TTC27: variants seen among roughly 807,000 people sequenced by gnomAD.
TTC27 encodes the protein tetratricopeptide repeat protein 27.
A neutral mutation model predicts 115.9 loss-of-function variants in TTC27; 79 were observed. That is an observed-to-expected ratio of 0.68 (90% CI 0.57 to 0.82). TTC27 has a LOEUF of 0.82. Ranked by LOEUF, TTC27 falls within the 40% of genes least tolerant of loss-of-function variation. The probability of loss-of-function intolerance (pLI) is 0.00; values close to 1 mark genes in which losing one functional copy is unlikely to be tolerated. For synonymous variants in TTC27, 401 were observed against 356.0 expected (o/e 1.13, Z -1.42); for missense variants, 1,054 against 993.1 (o/e 1.06, Z -0.82).
intron 10 of TTC27, among the ~76,000 whole-genome samples, chr2:32,706,077 CTTTT>C (rs148953090): frequency 1.3e-4 from 7 of 53,234 alleles, no homozygotes; most frequent in East Asian, 9.3e-4. Context: ...TTACCTTACT[CTTTT>C]TTTTTTTTTT....
intron 12 of TTC27, among the ~76,000 whole-genome samples, chr2:32,754,817 G>T (rs1017443602): frequency 1.4e-5 from 1 of 74,004 alleles, no homozygotes; most frequent in African/African-American, 3.8e-5. Flanking sequence ...CTGGCTGGGC[G>T]GGGGGGCTGA....
chr2:32,704,745 A>G, intron 10 of TTC27: 1 of 408,116 alleles, frequency 2.5e-6, no homozygotes, highest in South Asian at 1.9e-5. Flanking sequence ...TGGGCTAGTT[A>G]TTTTGGAGAC....
chr2:32,804,764 T>C (rs576342947), intron 16 of TTC27, among the ~76,000 whole-genome samples: 2 of 152,054 alleles, frequency 1.3e-5, no homozygotes, highest in Admixed American at 1.3e-4. Context: ...TATAGTATTA[T>C]AATATAAAAC....
chr2:32,720,019 A>G (rs929911538), intron 10 of TTC27, among the ~76,000 whole-genome samples: 21 of 152,216 alleles, frequency 1.4e-4, no homozygotes, highest in African/African-American at 4.6e-4. Context: ...ATAGTAACAT[A>G]ATACGTGAAT....
chr2:32,738,159 T>G (rs1323499073), intron 12 of TTC27, among the ~76,000 whole-genome samples: 1 of 152,204 alleles, frequency 6.6e-6, no homozygotes, highest in Non-Finnish European at 1.5e-5. Context: ...ACTCTTTACT[T>G]GCGAGGTAGT....
At chr2:32,678,375 C>T (rs1666294191) in intron 8 of TTC27, among the ~76,000 whole-genome samples, 1 of 151,660 alleles carries the variant, frequency 6.6e-6, no homozygotes, top group Non-Finnish European at 1.5e-5. Flanking sequence ...ACAAACTCTA[C>T]ATTTGTATAT....
In TTC27 at chr2:32,817,538, G is replaced by T. The variant is rs764343684; in HGVS notation, c.2390G>T (p.Gly797Val). The T allele has an allele frequency of 5.0e-6, 8 of 1,613,928 alleles. No individual in the cohort carries two copies. The highest frequency in any genetic ancestry group is 1.7e-5 in the Admixed American group (1 of 60,028). Residue 797 changes from glycine (G) to valine (V), a missense_variant, in exon 19 of 20, where the codon GGC becomes GTC. By Grantham distance (109) the Gly-to-Val change is moderately radical. Coordinates refer to ENST00000317907, the MANE Select transcript of TTC27 (RefSeq NM_017735.5). ...TCTTCTGTTCGACTCAATTTACGGG[G>T]CTTGTTATCTAAAGCAAAGGTGAGA... ...MLSSVRLNLR[G>V]LLSKAKQLFT...
chr2:32,711,092 G>C (rs1370679254), intron 10 of TTC27, among the ~76,000 whole-genome samples: 1 of 142,394 alleles, frequency 7.0e-6, no homozygotes, highest in Non-Finnish European at 1.5e-5. Context: ...ACTCCAGCCT[G>C]GGTGACAGAC....
chr2:32,676,466 T>C (rs564078959), intron 8 of TTC27, among the ~76,000 whole-genome samples: 5 of 151,078 alleles, frequency 3.3e-5, no homozygotes, highest in African/African-American at 1.2e-4. Context: ...TGTTATATTT[T>C]ATAAGACAGT....
At chr2:32,724,317 G>A (rs1668038523) in intron 10 of TTC27, among the ~76,000 whole-genome samples, 1 of 152,184 alleles carries the variant, frequency 6.6e-6, no homozygotes, top group South Asian at 2.1e-4. Flanking sequence ...CATAATAAGG[G>A]CAGTGAGATA....
intron 18 of TTC27, among the ~76,000 whole-genome samples, chr2:32,814,752 G>T (rs939154000): frequency 6.6e-6 from 1 of 152,160 alleles, no homozygotes; most frequent in African/African-American, 2.4e-5. Flanking sequence ...GCTGTACAGG[G>T]TTGTAGCCTA....
At position 32,659,216 on chromosome 2, in the gene TTC27, T is replaced by A. The variant is rs191042648; in HGVS notation, c.641-5087T>A. ...CCTGGCTTCAAGCAATCTTTCCACCTAGGTCTTCCTAAGCACTTGGATTAT... is the reference window on the plus strand; with the variant it reads ...CCTGGCTTCAAGCAATCTTTCCACCAAGGTCTTCCTAAGCACTTGGATTAT... On this transcript the variant is annotated intron_variant, in intron 5 of 19. Coordinates refer to ENST00000317907, the MANE Select transcript of TTC27 (RefSeq NM_017735.5). Among the ~76,000 whole-genome samples the A allele has an allele frequency of 6.6e-5, 10 of 152,302 alleles. No homozygotes were observed. In the East Asian group the frequency reaches 1.7e-3, roughly 26 times the overall value.
intron 17 of TTC27, among the ~76,000 whole-genome samples, chr2:32,811,958 A>T (rs927344293): frequency 6.6e-6 from 1 of 152,142 alleles, no homozygotes; most frequent in African/African-American, 2.4e-5. Flanking sequence ...TGGCCTTGTC[A>T]GCCCAGAGAA....
At chr2:32,746,641 G>C (rs896129851) in intron 12 of TTC27, among the ~76,000 whole-genome samples, 2 of 147,680 alleles carry the variant, frequency 1.4e-5, no homozygotes, top group African/African-American at 5.0e-5. Context: ...AAATTCTAAA[G>C]CTTTTGCATT....
At chr2:32,677,612 G>A (rs1666261554) in intron 8 of TTC27, among the ~76,000 whole-genome samples, 1 of 152,026 alleles carries the variant, frequency 6.6e-6, no homozygotes, top group Admixed American at 6.6e-5. Context: ...ACCACCCCCA[G>A]TTAATTTTTT....
chr2:32,701,364 T>C (rs1437605437), intron 9 of TTC27, among the ~76,000 whole-genome samples: 2 of 152,268 alleles, frequency 1.3e-5, no homozygotes, highest in East Asian at 3.8e-4. Context: ...GAAGTAGTCA[T>C]ATCTTAATTT....
At chr2:32,695,710 C>G in intron 9 of TTC27, among the ~76,000 whole-genome samples, 1 of 99,812 alleles carries the variant, frequency 1.0e-5, no homozygotes, top group African/African-American at 3.9e-5. Context: ...CAGAGCAAGG[C>G]TCTATCTCAA....
At position 32,798,704 on chromosome 2, in the gene TTC27, C is replaced by CAA. The variant is rs1168987401; in HGVS notation, c.1998+11565_1998+11566dup. Among the ~76,000 whole-genome samples the CAA allele has an allele frequency of 1.8e-3, 217 of 120,966 alleles. 3 individuals carry two copies. Among genetic ancestry groups the CAA allele is most frequent in the African/African-American group, 6.9e-3 (195 of 28,378 alleles). 79.4% of individuals were successfully genotyped at this position (120,966 alleles called of 152,430 possible). On this transcript the variant is annotated intron_variant, in intron 16 of 19. Transcript: ENST00000317907. ...TGGGCAACAGAGCGAGACTCCAGCT[C>CAA]AAAAAAAAAAATAATAATAATAATA...
intron 14 of TTC27, among the ~76,000 whole-genome samples, chr2:32,781,367 T>G (rs1454516062): frequency 6.6e-6 from 1 of 152,202 alleles, no homozygotes; most frequent in African/African-American, 2.4e-5. Flanking sequence ...TGTTTCTTAT[T>G]AACTGATATT....
Sources: gnomAD v4.1 joint callset for allele counts (sites outside exome capture counted in the v4.1 genomes callset) on GRCh38, gnomAD v4.1.1 for gene constraint, MANE v1.5 for transcripts, NCBI Gene and HGNC (gene_info 2026-07-23, HGNC 2026-07-21) for gene names.